Variants in TRPM3 observed in about 807,000 individuals in gnomAD.
TRPM3 encodes the protein long transient receptor potential channel 3.
In TRPM3, 77 loss-of-function variants were observed where a neutral mutation model predicts 181.2. That is an observed-to-expected ratio of 0.42 (90% confidence interval 0.35 to 0.51). The LOEUF (loss-of-function observed/expected upper bound fraction) is 0.51. TRPM3 is among the 20% of genes least tolerant of loss of function. The pLI is 0.01. For missense variants in TRPM3, 1,759 were observed against 2,196.7 expected (o/e 0.80, Z 3.98); for synonymous variants, 745 against 796.4 (o/e 0.94, Z 1.09).
intron 1 of TRPM3, among the ~76,000 whole-genome samples, chr9:71,367,979 T>C (rs1442912998): frequency 7.0e-6 from 1 of 142,230 alleles, no homozygotes; most frequent in African/African-American, 2.6e-5. Context: ...ATCATATATA[T>C]GCACATATAT....
chr9:70,978,339 A>T (rs559725509), intron 1 of TRPM3, among the ~76,000 whole-genome samples: 1 of 152,340 alleles, frequency 6.6e-6, no homozygotes, highest in South Asian at 2.1e-4. Flanking sequence ...TGAGCAAAGC[A>T]CATGCAATTC....
intron 1 of TRPM3, among the ~76,000 whole-genome samples, chr9:70,889,390 T>C (rs2096154486): frequency 6.6e-6 from 1 of 152,018 alleles, no homozygotes; most frequent in Non-Finnish European, 1.5e-5. Context: ...TGAGTGAAAG[T>C]TTACACATTG....
chr9:71,248,252 T>G (rs946613264), intron 1 of TRPM3, among the ~76,000 whole-genome samples: 1 of 152,188 alleles, frequency 6.6e-6, no homozygotes, highest in Non-Finnish European at 1.5e-5. Context: ...AAAAATCAAA[T>G]TCCTTCACTA....
intron 1 of TRPM3, among the ~76,000 whole-genome samples, chr9:71,057,093 A>G (rs1196976590): frequency 1.3e-5 from 2 of 152,170 alleles, no homozygotes; most frequent in South Asian, 2.1e-4. Context: ...TTAAGTCTCC[A>G]GACACCCATG....
chr9:71,353,356 G>T (rs768401071), intron 1 of TRPM3, among the ~76,000 whole-genome samples: 1 of 152,114 alleles, frequency 6.6e-6, no homozygotes, highest in Non-Finnish European at 1.5e-5. Flanking sequence ...GTGACTGGCG[G>T]TTAGTACACA....
At chr9:71,220,696 G>T (rs1225275376) in intron 1 of TRPM3, among the ~76,000 whole-genome samples, 1 of 152,072 alleles carries the variant, frequency 6.6e-6, no homozygotes. Context: ...TCTCCTTCTA[G>T]AATGGATTTA....
intron 1 of TRPM3, among the ~76,000 whole-genome samples, chr9:71,193,400 A>G (rs1030645979): frequency 6.6e-6 from 1 of 151,750 alleles, no homozygotes; most frequent in Non-Finnish European, 1.5e-5. Context: ...ACCCTCTTCT[A>G]TTCATTCAAA....
intron 1 of TRPM3, among the ~76,000 whole-genome samples, chr9:71,059,397 C>G (rs559551158): frequency 1.3e-5 from 2 of 151,930 alleles, no homozygotes; most frequent in African/African-American, 2.4e-5. Flanking sequence ...AGTTTCTAGA[C>G]CAAAGGACCT....
chr9:71,206,013 G>T (rs1408489421), intron 1 of TRPM3, among the ~76,000 whole-genome samples: 1 of 152,104 alleles, frequency 6.6e-6, no homozygotes, highest in Non-Finnish European at 1.5e-5. Flanking sequence ...GAAATATTAG[G>T]TGACTTGGTT....
At chr9:71,323,950 A>C (rs2132483889) in intron 1 of TRPM3, among the ~76,000 whole-genome samples, 1 of 152,258 alleles carries the variant, frequency 6.6e-6, no homozygotes, top group South Asian at 2.1e-4. Context: ...AGCTAGCCTG[A>C]GTGGGCTTCT....
In TRPM3 at chr9:70,956,591, T is replaced by TA. The variant is rs1192018975; in HGVS notation, c.178-92081dup. 2.6e-5 allele frequency among the ~76,000 whole-genome samples: 4 copies of TA among 152,220 alleles called. No individual in the cohort carries two copies. In the East Asian group the frequency reaches 5.8e-4, roughly 22 times the overall value. ...GGTCTTAATGGTTTACTTCTTAGAT[T>TA]AAAAAATTCTTAGGCTGGGCATGGT... On this transcript the variant is annotated intron_variant, in intron 1 of 25. Coordinates refer to ENST00000677713, the MANE Select transcript of TRPM3 (RefSeq NM_001366145.2).
At chr9:70,895,818 A>G (rs1435794433) in intron 1 of TRPM3, among the ~76,000 whole-genome samples, 1 of 152,202 alleles carries the variant, frequency 6.6e-6, no homozygotes, top group Non-Finnish European at 1.5e-5. Flanking sequence ...CCCAGAAACT[A>G]CAGAGTTGAT....
chr9:70,913,701 T>A (rs1166809739), intron 1 of TRPM3, among the ~76,000 whole-genome samples: 1 of 152,186 alleles, frequency 6.6e-6, no homozygotes, highest in African/African-American at 2.4e-5. Flanking sequence ...TGGACTTGAC[T>A]AATGGATGAA....
intron 1 of TRPM3, among the ~76,000 whole-genome samples, chr9:70,876,390 A>T (rs1225055846): frequency 6.6e-6 from 1 of 151,274 alleles, no homozygotes; most frequent in Non-Finnish European, 1.5e-5. Flanking sequence ...AAATGTAGGT[A>T]TAAAGAATTT....
rs1019148170 is a variant in TRPM3, at chr9:70,906,016, C to A, written c.178-41505G>T. On this transcript the variant is annotated intron_variant, in intron 1 of 25. Transcript: ENST00000677713. ...AGATTACAGGTGGGAGCCACCTAGG[C>A]CAGCAGAGATTCATTTCTTGTTTGA... is the stretch of plus-strand genomic sequence containing the variant. 2.0e-5 allele frequency among the ~76,000 whole-genome samples: 3 copies of A among 152,082 alleles called. No homozygotes were observed. In the South Asian group the frequency reaches 6.2e-4, roughly 32 times the overall value.
chr9:71,339,763 G>C (rs375338459), intron 1 of TRPM3, among the ~76,000 whole-genome samples: 35 of 152,178 alleles, frequency 2.3e-4, no homozygotes, highest in East Asian at 9.6e-4. Context: ...TGACTCTGAG[G>C]GGGTAGCAGG....
At chr9:71,343,618 T>C (rs2091105547) in intron 1 of TRPM3, among the ~76,000 whole-genome samples, 1 of 152,108 alleles carries the variant, frequency 6.6e-6, no homozygotes, top group African/African-American at 2.4e-5. Flanking sequence ...AGAAAGTAAT[T>C]TCATAAAGAG....
At chr9:70,550,833 C>A (rs2046292723) in intron 24 of TRPM3, among the ~76,000 whole-genome samples, 1 of 152,106 alleles carries the variant, frequency 6.6e-6, no homozygotes, top group African/African-American at 2.4e-5. Flanking sequence ...AAGAAAATAC[C>A]AGAAATTAGA....
At chr9:71,135,028 A>G (rs1005556941) in intron 1 of TRPM3, among the ~76,000 whole-genome samples, 2 of 152,214 alleles carry the variant, frequency 1.3e-5, no homozygotes, top group African/African-American at 2.4e-5. Flanking sequence ...TCATAGGAAC[A>G]TACCTACCTA....
Sources: gnomAD v4.1 joint callset for allele counts (sites outside exome capture counted in the v4.1 genomes callset) on GRCh38, gnomAD v4.1.1 for gene constraint, MANE v1.5 for transcripts, NCBI Gene and HGNC (gene_info 2026-07-23, HGNC 2026-07-21) for gene names.